The following KAT6B variants were observed in gnomAD, a reference collection of about 807,000 sequenced individuals.
The protein encoded by KAT6B is lysine acetyltransferase 6B.
A neutral mutation model predicts 187.5 loss-of-function variants in KAT6B; 10 were observed. The ratio of observed to expected loss-of-function variants is 0.05; its 90% CI spans 0.03 to 0.09. KAT6B has a LOEUF of 0.09. Ranked by LOEUF, KAT6B falls within the 10% of genes least tolerant of loss-of-function variation. The pLI, the probability that KAT6B is intolerant of heterozygous loss-of-function variation, is 1.00. For missense variants in KAT6B, 1,952 were observed against 2,558.9 expected, an observed-to-expected ratio of 0.76 and a Z score of 5.12; for synonymous variants, 861 against 926.8, an observed-to-expected ratio of 0.93 and a Z score of 1.29.
intron 3 of KAT6B, among the ~76,000 whole-genome samples, chr10:74,901,928 AAG>A (rs1470144537): frequency 6.6e-6 from 1 of 152,148 alleles, no homozygotes; most frequent in Non-Finnish European, 1.5e-5. Context: ...ATTTGTTAAA[AAG>A]AGAGCTGGAA....
Position 75,031,172 on chromosome 10 carries a change from T to TTA in KAT6B, c.*128_*129dup. Reference sequence around the variant, plus strand: ...ATGCAAAAACATTTGTTGGCACCATTTATTTAAAAAAAAAAAAAGCTGTAT... The same window carrying TTA: ...ATGCAAAAACATTTGTTGGCACCATTTATATTTAAAAAAAAAAAAAGCTGTAT... On this transcript the variant is annotated 3_prime_UTR_variant, in exon 18 of 18. Coordinates refer to ENST00000287239, the MANE Select transcript of KAT6B (RefSeq NM_012330.4). 1 of 1,105,278 alleles carries TTA rather than the reference T, an allele frequency of 9.0e-7. No individual in the cohort carries two copies. The highest frequency in any genetic ancestry group is 1.3e-6 in the Non-Finnish European group (1 of 772,208). 68.5% of individuals were successfully genotyped at this position (1,105,278 alleles called of 1,614,324 possible).
rs1170434560 is a variant in KAT6B, at chr10:74,869,754, CT to C, written c.621+26277del. On this transcript the variant is annotated intron_variant, in intron 3 of 17. Transcript: ENST00000287239. ...GCTATTTTGTAACTTAAGTTGTCCC[CT>C]CTAAATGGAAAAGCTTCATGAAGAC... 3.9e-5 allele frequency among the ~76,000 whole-genome samples: 6 copies of C among 152,134 alleles called. No homozygotes were observed. The East Asian group carries it at 1.2e-3, about 29-fold the overall frequency.
intron 13 of KAT6B, among the ~76,000 whole-genome samples, chr10:75,016,219 G>C (rs1271054427): frequency 6.6e-6 from 1 of 152,206 alleles, no homozygotes; most frequent in Non-Finnish European, 1.5e-5. Context: ...CTCCCACTGG[G>C]AGAGAGTTAA....
intron 10 of KAT6B, among the ~76,000 whole-genome samples, chr10:74,980,605 T>C (rs1292612684): frequency 6.6e-6 from 1 of 152,254 alleles, no homozygotes; most frequent in Non-Finnish European, 1.5e-5. Context: ...AATTTGTACA[T>C]AAGTGCAAGA....
At chr10:74,894,876 A>G (rs1037327680) in intron 3 of KAT6B, among the ~76,000 whole-genome samples, 10 of 152,154 alleles carry the variant, frequency 6.6e-5, no homozygotes, top group African/African-American at 2.4e-4. Flanking sequence ...TGCAGTGAAC[A>G]TGGGTAAGCA....
intron 1 of KAT6B, among the ~76,000 whole-genome samples, chr10:74,830,243 C>G (rs1840649104): frequency 6.6e-6 from 1 of 152,054 alleles, no homozygotes; most frequent in East Asian, 1.9e-4. Context: ...TCGCAGACCC[C>G]AGAAAGAGAA....
chr10:74,892,049 A>G (rs1377156705), intron 3 of KAT6B, among the ~76,000 whole-genome samples: 1 of 152,146 alleles, frequency 6.6e-6, no homozygotes, highest in African/African-American at 2.4e-5. Context: ...TTCCACCTGG[A>G]GTTTGAATCT....
chr10:74,943,505 T>A (rs1849848455), intron 3 of KAT6B, among the ~76,000 whole-genome samples: 1 of 152,062 alleles, frequency 6.6e-6, no homozygotes, highest in Non-Finnish European at 1.5e-5. Context: ...AGTTTAAAAA[T>A]TTTTTGAAAA....
chr10:74,981,661 A>C (rs1842526092), intron 10 of KAT6B, 126 bp from the exon 11 acceptor site: 2 of 740,758 alleles, frequency 2.7e-6, no homozygotes, highest in Non-Finnish European at 4.7e-6. Flanking sequence ...GGTGTGAGCC[A>C]CTGCACCCAG....
At chr10:74,887,174 C>T (rs1320985521) in intron 3 of KAT6B, among the ~76,000 whole-genome samples, 4 of 151,946 alleles carry the variant, frequency 2.6e-5, no homozygotes, top group Non-Finnish European at 5.9e-5. Context: ...TCTACCAGGT[C>T]AGGGATGCAG....
chr10:74,933,978 G>A (rs1303084597), intron 3 of KAT6B, among the ~76,000 whole-genome samples: 1 of 152,082 alleles, frequency 6.6e-6, no homozygotes, highest in Non-Finnish European at 1.5e-5. Context: ...CTGAGTTGAA[G>A]AGTTTGAGAC....
intron 3 of KAT6B, among the ~76,000 whole-genome samples, chr10:74,911,866 G>A (rs1259210005): frequency 6.6e-6 from 1 of 152,008 alleles, no homozygotes; most frequent in Non-Finnish European, 1.5e-5. Context: ...GTCTTGCTCT[G>A]TTGCTCAGGC....
intron 3 of KAT6B, 135 bp from the exon 4 acceptor site, chr10:74,959,835 A>C (rs1254092881): frequency 4.4e-6 from 3 of 679,100 alleles, no homozygotes; most frequent in Non-Finnish European, 5.2e-6. Flanking sequence ...GTTTATTTAA[A>C]TACGTTATTT....
chr10:74,960,599 A>T (rs912069241), intron 4 of KAT6B, among the ~76,000 whole-genome samples: 2 of 152,038 alleles, frequency 1.3e-5, no homozygotes, highest in Non-Finnish European at 2.9e-5. Flanking sequence ...ACCATAGCTA[A>T]TTCTTGTTTG....
chr10:75,024,568 A>C (rs1426033507), intron 16 of KAT6B, among the ~76,000 whole-genome samples: 2 of 152,256 alleles, frequency 1.3e-5, no homozygotes, highest in African/African-American at 2.4e-5. Flanking sequence ...GTGGCTAGTT[A>C]ATTACAGCAC....
At position 75,031,618 on chromosome 10, in the gene KAT6B, A is replaced by G. The variant is rs1391577612; in HGVS notation, c.*572A>G. 1 of 214,488 alleles carries G rather than the reference A, an allele frequency of 4.7e-6. No individual in the cohort carries two copies. Among genetic ancestry groups the G allele is most frequent in the Non-Finnish European group, 9.4e-6 (1 of 106,412 alleles). The allele number at this position is 214,488 out of a possible 1,614,324, so 13.3% of individuals were successfully genotyped here. The stretch of plus-strand genomic sequence containing the variant: ...GGGTGCCCTAATTTGAGGGTTTTAA[A>G]AAAAACTATATTTTTGTTAATTATA... On this transcript the variant is annotated 3_prime_UTR_variant, in exon 18 of 18. Transcript: ENST00000287239.
At chr10:74,830,769 T>TATATATGTATATATATATA (rs58702000) in intron 1 of KAT6B, among the ~76,000 whole-genome samples, 3 of 7,738 alleles carry the variant, frequency 3.9e-4, no homozygotes, top group Non-Finnish European at 5.2e-4. Context: ...TATATATATA[T>TATATATGTATATATATATA]TTTTTTTTTT....
At chr10:74,830,731 C>CACATATATATATAT (rs1840697105) in intron 1 of KAT6B, among the ~76,000 whole-genome samples, 1 of 17,202 alleles carries the variant, frequency 5.8e-5, no homozygotes, top group Non-Finnish European at 1.0e-4. Context: ...CACAGCTCTT[C>CACATATATATATAT]ATATATATAT....
At chr10:74,830,770 T>TATATA (rs60886313) in intron 1 of KAT6B, among the ~76,000 whole-genome samples, 7 of 9,634 alleles carry the variant, frequency 7.3e-4, no homozygotes, top group Admixed American at 2.0e-3. Context: ...ATATATATAT[T>TATATA]TTTTTTTTTT....
Sources: allele counts gnomAD v4.1 joint callset (sites outside exome capture counted in the v4.1 genomes callset), GRCh38; gene constraint gnomAD v4.1.1; transcripts MANE v1.5; gene names NCBI Gene and HGNC (gene_info 2026-07-23, HGNC 2026-07-21).